Variants in TKFC observed in about 807,000 individuals in gnomAD.
TKFC encodes the protein triokinase and FMN cyclase.
A neutral mutation model predicts 61.0 loss-of-function variants in TKFC; 46 were observed. The observed-to-expected ratio is 0.75, with a 90% CI of 0.60 to 0.96. The LOEUF is 0.96. TKFC is among the 50% of genes least tolerant of loss of function. The probability of loss-of-function intolerance (pLI) is 0.00; values close to 1 mark genes in which losing one functional copy is unlikely to be tolerated. For missense variants in TKFC, 715 were observed against 777.5 expected, an observed-to-expected ratio of 0.92 and a Z score of 0.96; for synonymous variants, 314 against 330.1, an observed-to-expected ratio of 0.95 and a Z score of 0.53.
At chr11:61,342,946 A>G in intron 10 of TKFC, 102 bp downstream of exon 10, 1 of 1,213,692 alleles carries the variant, frequency 8.2e-7, no homozygotes, top group Non-Finnish European at 1.2e-6. Flanking sequence ...GATAAGCCTG[A>G]GTTAAATCGT....
chr11:61,344,054 G>C lies in TKFC; in HGVS notation c.1102+79G>C, dbSNP rs1856996873. 3.1e-6 allele frequency: 5 copies of C among 1,598,192 alleles called. No individual in the cohort carries two copies. In the South Asian group the frequency reaches 3.3e-5, roughly 11 times the overall value. On this transcript the variant is annotated intron_variant, in intron 12 of 17. Transcript: ENST00000394900. ...ATACGGTGGGGCGGGTAGGGGCCCTGGCACCCACACCTCCCACCATAGTCA... is the reference window on the plus strand; with the variant it reads ...ATACGGTGGGGCGGGTAGGGGCCCTCGCACCCACACCTCCCACCATAGTCA...
intron 6 of TKFC, 133 bp downstream of exon 6, chr11:61,341,647 G>C: frequency 1.6e-6 from 2 of 1,256,238 alleles, no homozygotes; most frequent in South Asian, 2.5e-5. Context: ...GTGTATCCCT[G>C]GGGGAGCTCC....
chr11:61,350,475 C>T, downstream of TKFC: 2 of 1,601,754 alleles, frequency 1.2e-6, no homozygotes, highest in Middle Eastern at 3.3e-4. Context: ...AGGAGTCACA[C>T]CAGGCCCAAG....
chr11:61,348,031 C>G lies in TKFC; in HGVS notation c.*1528C>G. 1 of 985,446 alleles carries G rather than the reference C, an allele frequency of 1.0e-6. No homozygotes were observed. 61.0% of individuals were successfully genotyped at this position (985,446 alleles called of 1,614,324 possible). The stretch of plus-strand genomic sequence containing the variant: ...GGCCCAAATTTGGCTGCAGGCTCCC[C>G]GAGTGCCTGGGCTTCTCTACCCAGG... On this transcript the variant is annotated 3_prime_UTR_variant, in exon 18 of 18. Coordinates refer to ENST00000394900, the MANE Select transcript of TKFC (RefSeq NM_015533.4).
Position 61,338,505 on chromosome 11 carries a change from G to A in TKFC, c.193+375G>A, listed in dbSNP as rs112626085. Among the ~76,000 whole-genome samples the A allele has an allele frequency of 8.2e-3, 1,249 of 152,296 alleles. 23 individuals carry two copies. Among genetic ancestry groups the A allele is most frequent in the African/African-American group, 0.029 (1,205 of 41,550 alleles). On this transcript the variant is annotated intron_variant, in intron 3 of 17. Transcript: ENST00000394900. ...AATTCCCACCTGCTGTGTCCCACTT[G>A]TGGACTGTCCTGGCTTCTTTCCTGT...
intron 9 of TKFC, 41 bp from the exon 10 acceptor site, chr11:61,342,714 C>A (rs751526890): frequency 2.8e-4 from 454 of 1,612,682 alleles, no homozygotes; most frequent in Non-Finnish European, 3.4e-4. Flanking sequence ...GGGGAGGAGA[C>A]GCCCAGAGGG....
downstream of TKFC, chr11:61,352,948 C>T (rs765470695): frequency 1.2e-6 from 2 of 1,614,092 alleles, no homozygotes; most frequent in Non-Finnish European, 1.7e-6. Flanking sequence ...CTATTCCCTC[C>T]TCTTCACCTT....
chr11:61,344,583 C>T lies in TKFC; in HGVS notation c.1240+310C>T, dbSNP rs542615862. Among the ~76,000 whole-genome samples, 70 of 152,178 alleles carry T rather than the reference C, an allele frequency of 4.6e-4. 1 individual carries two copies. The highest frequency in any genetic ancestry group is 8.5e-4 in the Non-Finnish European group (58 of 68,006). On this transcript the variant is annotated intron_variant, in intron 13 of 17. Coordinates refer to ENST00000394900, the MANE Select transcript of TKFC (RefSeq NM_015533.4). Reference sequence around the variant, plus strand: ...CTCGCCATGTTGGCCAGGCTGGTCTCTAACTCCCCACCTCAAGCCATCCGC... The same window carrying T: ...CTCGCCATGTTGGCCAGGCTGGTCTTTAACTCCCCACCTCAAGCCATCCGC...
chr11:61,343,844 TG>T lies in TKFC; in HGVS notation c.983-11del. On this transcript the variant is annotated splice_polypyrimidine_tract_variant and intron_variant, in intron 11 of 17. Coordinates refer to ENST00000394900, the MANE Select transcript of TKFC (RefSeq NM_015533.4). The stretch of plus-strand genomic sequence containing the variant: ...ACAGCCGTGTCTAAGAGAGTTATCT[TG>T]CTGCCCTTAGATGCTGAAACCACTG... 2 of 1,605,732 alleles carry T rather than the reference TG, an allele frequency of 1.2e-6. No individual in the cohort carries two copies. The highest frequency in any genetic ancestry group is 8.5e-7 in the Non-Finnish European group (1 of 1,178,774).
chr11:61,350,909 G>A, downstream of TKFC: 1 of 1,513,886 alleles, frequency 6.6e-7, no homozygotes, highest in Non-Finnish European at 8.8e-7. Context: ...AAGTCTTCTT[G>A]TCAAGGCCCC....
Position 61,347,066 on chromosome 11 carries a change from C to T in TKFC, c.*563C>T. ...AGGCAGTGTCTCCTCAGCTGGGCTG[C>T]TTCCACTGAGACCCCCGACCCATCC... is the stretch of plus-strand genomic sequence containing the variant. On this transcript the variant is annotated 3_prime_UTR_variant, in exon 18 of 18. Transcript: ENST00000394900. 1 of 985,786 alleles carries T rather than the reference C, an allele frequency of 1.0e-6. No homozygotes were observed. Among genetic ancestry groups the T allele is most frequent in the African/African-American group, 1.7e-5 (1 of 57,346 alleles). 61.1% of individuals were successfully genotyped at this position (985,786 alleles called of 1,614,324 possible).
Position 61,348,560 on chromosome 11 carries a change from G to A in TKFC, c.*2057G>A, listed in dbSNP as rs138609548. On this transcript the variant is annotated 3_prime_UTR_variant, in exon 18 of 18. Coordinates refer to ENST00000394900, the MANE Select transcript of TKFC (RefSeq NM_015533.4). ...ACCCCCACTATGGTAGTGTTAGGAC[G>A]TGGGGCCTTTGGGAGGTGATGGGGT... The A allele has an allele frequency of 1.5e-5, 14 of 944,686 alleles. No homozygotes were observed. In the East Asian group the frequency reaches 1.2e-3, roughly 78 times the overall value. 58.5% of individuals were successfully genotyped at this position (944,686 alleles called of 1,614,324 possible). A position where few individuals can be genotyped will look rare whatever the true frequency, so the allele number is the denominator to read the frequency against.
Position 61,341,535 on chromosome 11 carries a change from T to TG in TKFC, c.565+25dup. ...CATGGGTGAGTGCTGGCCTGGGAGC[T>TG]GGGGAAGAGAGTGGGGAAGGTTGGA... On this transcript the variant is annotated intron_variant, in intron 6 of 17. Coordinates refer to ENST00000394900, the MANE Select transcript of TKFC (RefSeq NM_015533.4). 1.9e-6 allele frequency: 3 copies of TG among 1,553,196 alleles called. No homozygotes were observed. The South Asian group carries it at 3.6e-5, about 18-fold the overall frequency.
Position 61,346,540 on chromosome 11 carries a change from A to C in TKFC, c.*37A>C, listed in dbSNP as rs568356170. Reference sequence around the variant, plus strand: ...GCCTCCCTTGGCCTCAGCTCCTCTCACTGCTGTGCTGAGGTGGCCTTTGTC... The same window carrying C: ...GCCTCCCTTGGCCTCAGCTCCTCTCCCTGCTGTGCTGAGGTGGCCTTTGTC... On this transcript the variant is annotated 3_prime_UTR_variant, in exon 18 of 18. Coordinates refer to ENST00000394900, the MANE Select transcript of TKFC (RefSeq NM_015533.4). The surrounding 1 kb of genome is among the most constrained non-coding windows in gnomAD (Gnocchi z 4.1). The C allele has an allele frequency of 1.3e-6, 2 of 1,522,400 alleles. No homozygotes were observed. Among genetic ancestry groups the C allele is most frequent in the Non-Finnish European group, 1.8e-6 (2 of 1,134,986 alleles). 94.3% of individuals were successfully genotyped at this position (1,522,400 alleles called of 1,614,324 possible).
In TKFC at chr11:61,349,206, G is replaced by C. The variant is rs1190822723; in HGVS notation, c.*2703G>C. 2 of 262,160 alleles carry C rather than the reference G, an allele frequency of 7.6e-6. No homozygotes were observed. Among genetic ancestry groups the C allele is most frequent in the East Asian group, 1.6e-4 (2 of 12,876 alleles). The allele number at this position is 262,160 out of a possible 1,614,324, so 16.2% of individuals were successfully genotyped here. ...CCACCCTATTTCCTCCCCTGAAGAA[G>C]AGCAACAGCTCAAGCTCTAGCATGG... On this transcript the variant is annotated 3_prime_UTR_variant, in exon 18 of 18. Coordinates refer to ENST00000394900, the MANE Select transcript of TKFC (RefSeq NM_015533.4).
rs928807807 is a variant in TKFC at position 61,333,318 on chromosome 11, C to T, written c.-121C>T. 1.5e-5 allele frequency: 3 copies of T among 197,044 alleles called. No homozygotes were observed. The highest frequency in any genetic ancestry group is 6.1e-5 in the Admixed American group (1 of 16,442). The allele number at this position is 197,044 out of a possible 1,614,324, so 12.2% of individuals were successfully genotyped here. Reference sequence around the variant, plus strand: ...CGGATGTGGCGGATGCGGCCGTGAGCCGGCGGGGGAGGTGCGCCAGTGTCC... The same window carrying T: ...CGGATGTGGCGGATGCGGCCGTGAGTCGGCGGGGGAGGTGCGCCAGTGTCC... On this transcript the variant is annotated 5_prime_UTR_variant, in exon 1 of 18. Transcript: ENST00000394900.
At chr11:61,351,182 A>AT, downstream of TKFC, 1 of 1,572,594 alleles carries the variant, frequency 6.4e-7, no homozygotes, top group Non-Finnish European at 8.6e-7. Context: ...CCCTCGAGAG[A>AT]TTTTTCCACC....
At chr11:61,338,312 T>C (rs930824096) in intron 3 of TKFC, among the ~76,000 whole-genome samples, 182 bp downstream of exon 3, 1 of 152,180 alleles carries the variant, frequency 6.6e-6, no homozygotes, top group Non-Finnish European at 1.5e-5. Context: ...CTGAATCTGT[T>C]TCTACATCTA....
chr11:61,338,069 C>G lies in TKFC; in HGVS notation c.132C>G (p.Ser44Arg). 6.2e-7 allele frequency: 1 copy of G among 1,611,476 alleles called. No individual in the cohort carries two copies. The highest frequency in any genetic ancestry group is 8.5e-7 in the Non-Finnish European group (1 of 1,179,588). Residue 44 changes from serine to arginine, a missense_variant, in exon 3 of 18, where the codon AGC becomes AGG. By Grantham distance (110) the Ser-to-Arg change is moderately radical. Transcript: ENST00000394900. Reference sequence around the variant, plus strand: ...TGGCCCTCCGTTCTGACCTGGACAGCCTCAAGGGCCGGGTGGCACTGCTGT... The same window carrying G: ...TGGCCCTCCGTTCTGACCTGGACAGGCTCAAGGGCCGGGTGGCACTGCTGT... Reference protein sequence around the residue: ...HRVALRSDLDSLKGRVALLSG... With the variant: ...HRVALRSDLDRLKGRVALLSG...
Sources: gnomAD v4.1 joint callset for allele counts (sites outside exome capture counted in the v4.1 genomes callset) on GRCh38, gnomAD v4.1.1 for gene constraint, Gnocchi (gnomAD v3.1) non-coding constraint, MANE v1.5 for transcripts, NCBI Gene and HGNC (gene_info 2026-07-23, HGNC 2026-07-21) for gene names.